Variants in DRD4 observed in about 807,000 individuals in gnomAD.
DRD4 encodes D(4) dopamine receptor.
A neutral mutation model predicts 22.1 loss-of-function variants in DRD4; 26 were observed. The ratio of observed to expected loss-of-function variants is 1.17; its 90% CI spans 0.86 to 1.63. The LOEUF (loss-of-function observed/expected upper bound fraction) is 1.63. Ranked by LOEUF, DRD4 falls within the 40% of genes most tolerant of loss-of-function variation. The pLI is 0.00. For synonymous variants in DRD4, 455 were observed against 306.7 expected, an observed-to-expected ratio of 1.48 and a Z score of -5.05; for missense variants, 913 against 632.4, an observed-to-expected ratio of 1.44 and a Z score of -4.76.
chr11:639,177 C>G (rs1033626950), intron 1 of DRD4: 2 of 517,028 alleles, frequency 3.9e-6, no homozygotes, highest in Non-Finnish European at 7.0e-6. Context: ...ATCGCTTGAG[C>G]TCAGGAATTC....
chr11:638,748 G>T (rs182900028), intron 1 of DRD4, among the ~76,000 whole-genome samples: 1 of 152,098 alleles, frequency 6.6e-6, no homozygotes, highest in African/African-American at 2.4e-5. Flanking sequence ...TGAGCCCGAT[G>T]ATATCAGGCC....
chr11:639,734 T>C lies in DRD4; in HGVS notation c.485T>C (p.Leu162Pro), dbSNP rs1370276664. The change falls in exon 3 of 4, where the codon CTG becomes CCG. Residue 162 changes from leucine (L) to proline (P), a missense_variant. Leu to Pro is a moderately conservative substitution (Grantham distance 98). Transcript: ENST00000176183. Reference sequence around the variant, plus strand: ...CTGCTCATCGGCGCCACGTGGCTGCTGTCCGCGGCGGTGGCGGCGCCCGTA... The same window carrying C: ...CTGCTCATCGGCGCCACGTGGCTGCCGTCCGCGGCGGTGGCGGCGCCCGTA... ...QLLLIGATWLLSAAVAAPVLC... is the reference protein window; with the variant it reads ...QLLLIGATWLPSAAVAAPVLC... The C allele has an allele frequency of 2.6e-6, 4 of 1,525,082 alleles. No individual in the cohort carries two copies. The highest frequency in any genetic ancestry group is 3.5e-6 in the Non-Finnish European group (4 of 1,145,158). 94.5% of individuals were successfully genotyped at this position (1,525,082 alleles called of 1,614,324 possible).
Position 639,422 on chromosome 11 carries a change from T to TCGCCGCGCAGGTCCAGGGTGG in DRD4, c.286-7_299dup. 1 of 1,579,710 alleles carries TCGCCGCGCAGGTCCAGGGTGG rather than the reference T, an allele frequency of 6.3e-7. No homozygotes were observed. Among genetic ancestry groups the TCGCCGCGCAGGTCCAGGGTGG allele is most frequent in the Non-Finnish European group, 8.5e-7 (1 of 1,170,854 alleles). Reference sequence around the variant, plus strand: ...CTGGGAAACCTCAGGGCCTGTGGTGTCGCCGCGCAGGTCCAGGGTGGCGCG... The same window carrying TCGCCGCGCAGGTCCAGGGTGG: ...CTGGGAAACCTCAGGGCCTGTGGTGTCGCCGCGCAGGTCCAGGGTGGCGCCGCGCAGGTCCAGGGTGGCGCG... On this transcript the variant is annotated splice_polypyrimidine_tract_variant and intron_variant, in intron 1 of 3. Transcript: ENST00000176183.
rs1349174355 is a variant in DRD4 at position 637,269 on chromosome 11, G to T, written c.-36G>T. 1 of 1,170,662 alleles carries T rather than the reference G, an allele frequency of 8.5e-7. No homozygotes were observed. The highest frequency in any genetic ancestry group is 1.1e-6 in the Non-Finnish European group (1 of 949,662). The allele number at this position is 1,170,662 out of a possible 1,614,324, so 72.5% of individuals were successfully genotyped here. ...GGGACTCCCCGGCTTGCGACCCGGCGTTGTCCGCGGTGCTCAGCGCCCGCC... is the reference window on the plus strand; with the variant it reads ...GGGACTCCCCGGCTTGCGACCCGGCTTTGTCCGCGGTGCTCAGCGCCCGCC... On this transcript the variant is annotated 5_prime_UTR_variant, in exon 1 of 4. Transcript: ENST00000176183.
chr11:640,526 C>G lies in DRD4; in HGVS notation c.1183C>G (p.Leu395Val). Residue 395 changes from leucine to valine, a missense_variant, in exon 4 of 4, where the codon CTC becomes GTC. Leu to Val is a conservative substitution (Grantham distance 32, BLOSUM62 1). Coordinates refer to ENST00000176183, the MANE Select transcript of DRD4 (RefSeq NM_000797.4). ...CTGGCTGGGCTACGTCAACAGCGCC[C>G]TCAACCCCGTCATCTACACTGTCTT... ...VTWLGYVNSA[L>V]NPVIYTVFNA... The G allele has an allele frequency of 6.3e-7, 1 of 1,599,200 alleles. No individual in the cohort carries two copies. The highest frequency in any genetic ancestry group is 2.2e-5 in the East Asian group (1 of 44,726).
At position 640,029 on chromosome 11, in the gene DRD4, C is replaced by A; in HGVS notation, c.780C>A (p.Pro260=). Residue 260 remains proline, a synonymous_variant, in exon 3 of 4, where the codon CCC becomes CCA. Transcript: ENST00000176183. ...APRLPQDPCG[P]DCAPPAPGLP... ...GCCTCCCCCAGGACCCCTGCGGCCCCGACTGTGCGCCCCCCGCGCCCGGCC... is the reference window on the plus strand; with the variant it reads ...GCCTCCCCCAGGACCCCTGCGGCCCAGACTGTGCGCCCCCCGCGCCCGGCC... The A allele has an allele frequency of 1.6e-5, 19 of 1,206,296 alleles. No homozygotes were observed. The highest frequency in any genetic ancestry group is 3.2e-5 in the African/African-American group (2 of 61,818). The allele number at this position is 1,206,296 out of a possible 1,614,324, so 74.7% of individuals were successfully genotyped here.
chr11:639,869 T>C lies in DRD4; in HGVS notation c.620T>C (p.Leu207Pro), dbSNP rs1005192041. 6 of 1,584,768 alleles carry C rather than the reference T, an allele frequency of 3.8e-6. No homozygotes were observed. The highest frequency in any genetic ancestry group is 5.1e-6 in the Non-Finnish European group (6 of 1,173,244). ...SVCSFFLPCPLMLLLYWATFR... is the reference protein window; with the variant it reads ...SVCSFFLPCPPMLLLYWATFR... ...TGCTCCTTCTTCCTACCCTGCCCGC[T>C]CATGCTGCTGCTCTACTGGGCCACG... The change falls in exon 3 of 4, where the codon CTC becomes CCC. Residue 207 changes from leucine to proline, a missense_variant. Coordinates refer to ENST00000176183, the MANE Select transcript of DRD4 (RefSeq NM_000797.4).
Position 637,439 on chromosome 11 carries a change from C to A in DRD4, c.135C>A (p.Ile45=). 6.5e-7 allele frequency: 1 copy of A among 1,532,308 alleles called. No homozygotes were observed. Among genetic ancestry groups the A allele is most frequent in the African/African-American group, 1.4e-5 (1 of 72,830 alleles). 94.9% of individuals were successfully genotyped at this position (1,532,308 alleles called of 1,614,324 possible). ...AAALVGGVLL[I]GAVLAGNSLV... is the part of the protein sequence containing the mutation. Reference sequence around the variant, plus strand: ...CGCTGGTGGGGGGCGTGCTGCTCATCGGCGCGGTGCTCGCGGGGAACTCGC... The same window carrying A: ...CGCTGGTGGGGGGCGTGCTGCTCATAGGCGCGGTGCTCGCGGGGAACTCGC... Residue 45 remains isoleucine, a synonymous_variant, in exon 1 of 4, where the codon ATC becomes ATA. Transcript: ENST00000176183.
At chr11:637,746 C>A (rs557356997) in intron 1 of DRD4, among the ~76,000 whole-genome samples, 157 bp downstream of exon 1, 1 of 152,122 alleles carries the variant, frequency 6.6e-6, no homozygotes, top group East Asian at 1.9e-4. Flanking sequence ...GGCGATACAC[C>A]CACCGCCGCC....
In DRD4 at chr11:637,434, C is replaced by T. The variant is rs1484151582; in HGVS notation, c.130C>T (p.Leu44Phe). The stretch of plus-strand genomic sequence containing the variant: ...GGCGGCGCTGGTGGGGGGCGTGCTG[C>T]TCATCGGCGCGGTGCTCGCGGGGAA... ...GAAALVGGVLLIGAVLAGNSL... is the reference protein window; with the variant it reads ...GAAALVGGVLFIGAVLAGNSL... Residue 44 changes from leucine to phenylalanine, a missense_variant, in exon 1 of 4, where the codon CTC becomes TTC. By Grantham distance (22) the Leu-to-Phe change is conservative. Coordinates refer to ENST00000176183, the MANE Select transcript of DRD4 (RefSeq NM_000797.4). 1.3e-6 allele frequency: 2 copies of T among 1,531,182 alleles called. No homozygotes were observed. Among genetic ancestry groups the T allele is most frequent in the Non-Finnish European group, 1.7e-6 (2 of 1,144,828 alleles). The allele number at this position is 1,531,182 out of a possible 1,614,324, so 94.8% of individuals were successfully genotyped here.
At chr11:638,407 A>G (rs1858117864) in intron 1 of DRD4, among the ~76,000 whole-genome samples, 1 of 152,180 alleles carries the variant, frequency 6.6e-6, no homozygotes, top group African/African-American at 2.4e-5. Flanking sequence ...TTCGAGCCGC[A>G]GACGTCACAG....
At chr11:638,313 C>T (rs1858114335) in intron 1 of DRD4, among the ~76,000 whole-genome samples, 1 of 152,170 alleles carries the variant, frequency 6.6e-6, no homozygotes, top group Non-Finnish European at 1.5e-5. Context: ...GAGGGGGACT[C>T]GAGGTTTCCC....
At position 637,511 on chromosome 11, in the gene DRD4, C is replaced by T. The variant is rs908561367; in HGVS notation, c.207C>T (p.Thr69=). Residue 69 remains threonine (T), a synonymous_variant, in exon 1 of 4, where the codon ACC becomes ACT. Transcript: ENST00000176183. The part of the protein sequence containing the change: ...VATERALQTP[T]NSFIVSLAAA... ...CCGAGCGCGCCCTGCAGACGCCCAC[C>T]AACTCCTTCATCGTGAGCCTGGCGG... The T allele has an allele frequency of 1.3e-6, 2 of 1,562,778 alleles. No homozygotes were observed. Among genetic ancestry groups the T allele is most frequent in the Non-Finnish European group, 1.7e-6 (2 of 1,159,500 alleles).
chr11:638,264 T>G (rs899386445), intron 1 of DRD4, among the ~76,000 whole-genome samples: 1 of 152,074 alleles, frequency 6.6e-6, no homozygotes, highest in African/African-American at 2.4e-5. Flanking sequence ...AAAAGCAGCT[T>G]AGGGCTGAGC....
Position 640,558 on chromosome 11 carries a change from C to G in DRD4, c.1215C>G (p.Ala405=). The part of the protein sequence containing the change: ...LNPVIYTVFN[A]EFRNVFRKAL... ...CCGTCATCTACACTGTCTTCAACGCCGAGTTCCGCAACGTCTTCCGCAAGG... is the reference window on the plus strand; with the variant it reads ...CCGTCATCTACACTGTCTTCAACGCGGAGTTCCGCAACGTCTTCCGCAAGG... The change falls in exon 4 of 4, where the codon GCC becomes GCG. Residue 405 remains alanine (A), a synonymous_variant. Transcript: ENST00000176183. 1 of 1,600,438 alleles carries G rather than the reference C, an allele frequency of 6.2e-7. No individual in the cohort carries two copies. The highest frequency in any genetic ancestry group is 8.5e-7 in the Non-Finnish European group (1 of 1,179,862).
chr11:639,974 G>A lies in DRD4; in HGVS notation c.725G>A (p.Gly242Asp). The A allele has an allele frequency of 1.4e-6, 2 of 1,398,520 alleles. No homozygotes were observed. Among genetic ancestry groups the A allele is most frequent in the Non-Finnish European group, 1.8e-6 (2 of 1,082,496 alleles). The allele number at this position is 1,398,520 out of a possible 1,614,324, so 86.6% of individuals were successfully genotyped here. The change falls in exon 3 of 4, where the codon GGC becomes GAC. Residue 242 changes from glycine (G) to aspartate (D), a missense_variant. Coordinates refer to ENST00000176183, the MANE Select transcript of DRD4 (RefSeq NM_000797.4). ...GCGCCCCGCCGACCCAGCGGCCCTGGCCCGCCTTCCCCCACGCCACCCGCG... is the reference window on the plus strand; with the variant it reads ...GCGCCCCGCCGACCCAGCGGCCCTGACCCGCCTTCCCCCACGCCACCCGCG... ...GRAPRRPSGP[G>D]PPSPTPPAPR...
At chr11:639,259 C>A in intron 1 of DRD4, 174 bp from the exon 2 acceptor site, 1 of 642,716 alleles carries the variant, frequency 1.6e-6, no homozygotes. Flanking sequence ...TAACTCAAAA[C>A]AAAGGGAGAT....
chr11:639,803 G>A lies in DRD4; in HGVS notation c.554G>A (p.Cys185Tyr). ...GTGCGCGGCCGCGACCCCGCCGTGT[G>A]CCGCCTGGAGGACCGCGACTACGTG... is the stretch of plus-strand genomic sequence containing the variant. ...NDVRGRDPAV[C>Y]RLEDRDYVVY... is the part of the protein sequence containing the mutation. Residue 185 changes from cysteine (C) to tyrosine (Y), a missense_variant, in exon 3 of 4, where the codon TGC (cysteine) becomes TAC (tyrosine). Cys to Tyr is a radical substitution (Grantham distance 194). Transcript: ENST00000176183. 1 of 1,581,444 alleles carries A rather than the reference G, an allele frequency of 6.3e-7. No homozygotes were observed. The highest frequency in any genetic ancestry group is 8.5e-7 in the Non-Finnish European group (1 of 1,171,952).
intron 3 of DRD4, 31 bp downstream of exon 3, chr11:640,337 GA>G (rs1858203515): frequency 6.7e-7 from 1 of 1,501,544 alleles, no homozygotes; most frequent in African/African-American, 1.4e-5. Context: ...GCGGGGAGGA[GA>G]GGAGGGGGGG....
Sources: gnomAD v4.1 joint callset for allele counts (sites outside exome capture counted in the v4.1 genomes callset) on GRCh38, gnomAD v4.1.1 for gene constraint, MANE v1.5 for transcripts, NCBI Gene and HGNC (gene_info 2026-07-23, HGNC 2026-07-21) for gene names.